MYT1L: variants seen among roughly 807,000 people sequenced by gnomAD.
The protein encoded by MYT1L is myelin transcription factor 1-like protein.
MYT1L carries 12 observed loss-of-function variants against 126.7 expected under a neutral mutation model. That is an observed-to-expected ratio of 0.09 (90% confidence interval 0.06 to 0.15). The LOEUF (loss-of-function observed/expected upper bound fraction) is 0.15. Among genes scored for constraint, MYT1L ranks in the 10% least tolerant of loss-of-function variants. The pLI, the probability that MYT1L is intolerant of heterozygous loss-of-function variation, is 1.00. For missense variants in MYT1L, 979 were observed against 1,585.2 expected (o/e 0.62, Z 6.49); for synonymous variants, 541 against 604.2 (o/e 0.90, Z 1.53).
intron 4 of MYT1L, among the ~76,000 whole-genome samples, chr2:2,042,771 G>A (rs537763511): frequency 6.6e-6 from 1 of 152,112 alleles, no homozygotes; most frequent in Non-Finnish European, 1.5e-5. Flanking sequence ...TCTGCCCTTC[G>A]TCTCTAAGCC....
chr2:2,239,268 C>G (rs1382052743), intron 2 of MYT1L, among the ~76,000 whole-genome samples: 1 of 152,184 alleles, frequency 6.6e-6, no homozygotes, highest in Non-Finnish European at 1.5e-5. Flanking sequence ...CATGCACAGA[C>G]AGACGGGGGC....
chr2:2,097,926 T>G (rs1687915), intron 3 of MYT1L, among the ~76,000 whole-genome samples: 1,984 of 152,244 alleles, frequency 0.013, 48 homozygotes, highest in African/African-American at 0.046. Flanking sequence ...ATGAATGAGT[T>G]CTTGTTCTGA....
At chr2:2,194,915 C>T (rs868684181) in intron 2 of MYT1L, among the ~76,000 whole-genome samples, 1 of 152,240 alleles carries the variant, frequency 6.6e-6, no homozygotes, top group Non-Finnish European at 1.5e-5. Context: ...TAGACAACAT[C>T]TACTCCAGTG....
intron 1 of MYT1L, among the ~76,000 whole-genome samples, chr2:2,311,450 A>G (rs2095969333): frequency 6.6e-6 from 1 of 152,192 alleles, no homozygotes; most frequent in African/African-American, 2.4e-5. Context: ...GAGATGTACA[A>G]TAATGTTGGT....
intron 18 of MYT1L, among the ~76,000 whole-genome samples, chr2:1,860,605 T>G (rs1412700072): frequency 6.6e-6 from 1 of 152,234 alleles, no homozygotes; most frequent in Non-Finnish European, 1.5e-5. Context: ...AAATACATTT[T>G]ATGCAGCTTG....
At chr2:2,065,837 C>G (rs886434415) in intron 3 of MYT1L, among the ~76,000 whole-genome samples, 1 of 140,274 alleles carries the variant, frequency 7.1e-6, no homozygotes, top group African/African-American at 2.6e-5. Context: ...CACACACACA[C>G]ACACACACAC....
chr2:2,282,447 A>G (rs978081707), intron 2 of MYT1L, among the ~76,000 whole-genome samples: 4 of 152,236 alleles, frequency 2.6e-5, no homozygotes, highest in African/African-American at 4.8e-5. Flanking sequence ...CCGTTCAAAC[A>G]CTGGATGGTT....
Position 1,852,784 on chromosome 2 carries a change from C to T in MYT1L, c.2712-1081G>A, listed in dbSNP as rs956366936. On this transcript the variant is annotated intron_variant, in intron 18 of 24. Coordinates refer to ENST00000647738, the MANE Select transcript of MYT1L (RefSeq NM_001303052.2). The surrounding 1 kb of genome is among the most constrained non-coding windows in gnomAD (Gnocchi z 4.0). ...GGAAGCATCAAAGCATACTCCATGCCCCTTCCCACCTCAGTGAGTACCCGA... is the reference window on the plus strand; with the variant it reads ...GGAAGCATCAAAGCATACTCCATGCTCCTTCCCACCTCAGTGAGTACCCGA... 6.6e-6 allele frequency among the ~76,000 whole-genome samples: 1 copy of T among 152,120 alleles called. No homozygotes were observed. Among genetic ancestry groups the T allele is most frequent in the Non-Finnish European group, 1.5e-5 (1 of 68,020 alleles).
At chr2:1,934,307 T>TATATATATACATACAC (rs71276816) in intron 9 of MYT1L, among the ~76,000 whole-genome samples, 4 of 132,082 alleles carry the variant, frequency 3.0e-5, no homozygotes, top group Non-Finnish European at 5.0e-5. Flanking sequence ...TATATATATA[T>TATATATATACATACAC]ACAACCTCAT....
At chr2:1,805,869 G>T (rs1357587363) in intron 22 of MYT1L, among the ~76,000 whole-genome samples, 1 of 152,188 alleles carries the variant, frequency 6.6e-6, no homozygotes, top group East Asian at 1.9e-4. Context: ...CTGGGTGACA[G>T]AGCGAGACCC....
intron 14 of MYT1L, among the ~76,000 whole-genome samples, chr2:1,894,041 C>G (rs2049264595): frequency 6.6e-6 from 1 of 152,226 alleles, no homozygotes; most frequent in Non-Finnish European, 1.5e-5. Context: ...TGTGCATGAG[C>G]CAGAGGCTCA....
At chr2:2,032,923 T>TAC (rs2066518775) in intron 4 of MYT1L, among the ~76,000 whole-genome samples, 2 of 83,854 alleles carry the variant, frequency 2.4e-5, no homozygotes, top group South Asian at 9.0e-4. Flanking sequence ...GAGGGCCTTA[T>TAC]ACACACCCCT....
intron 21 of MYT1L, among the ~76,000 whole-genome samples, chr2:1,817,330 G>A (rs1353374232): frequency 2.0e-5 from 3 of 152,144 alleles, no homozygotes; most frequent in Admixed American, 6.5e-5. Context: ...GGATAGGGGC[G>A]CCACACGGCC....
chr2:2,068,860 C>T (rs1372633323), intron 3 of MYT1L, among the ~76,000 whole-genome samples: 2 of 125,342 alleles, frequency 1.6e-5, no homozygotes, highest in African/African-American at 6.0e-5. Context: ...GTCACAATTA[C>T]TTAGCTATTA....
At chr2:1,876,774 CA>C (rs2046968240) in intron 18 of MYT1L, among the ~76,000 whole-genome samples, 2 of 152,220 alleles carry the variant, frequency 1.3e-5, no homozygotes, top group South Asian at 4.1e-4. Flanking sequence ...AAAGTCCTGC[CA>C]AGACCAGTGA....
intron 3 of MYT1L, among the ~76,000 whole-genome samples, chr2:2,094,746 G>T (rs1245948922): frequency 6.9e-6 from 1 of 144,230 alleles, no homozygotes. Flanking sequence ...CACAGGAAGG[G>T]GAACATCACA....
intron 22 of MYT1L, among the ~76,000 whole-genome samples, 198 bp downstream of exon 22, chr2:1,808,878 G>T (rs1378869946): frequency 6.6e-6 from 1 of 152,224 alleles, no homozygotes; most frequent in Non-Finnish European, 1.5e-5. Context: ...AGTGAAATCG[G>T]TGAAGGTGGG....
At chr2:1,956,948 T>C (rs983664256) in intron 8 of MYT1L, among the ~76,000 whole-genome samples, 1 of 152,328 alleles carries the variant, frequency 6.6e-6, no homozygotes, top group South Asian at 2.1e-4. Flanking sequence ...TGTTCTCTAA[T>C]TCAGTATCTC....
rs145619681 is a variant in MYT1L, at chr2:2,015,513, T to A, written c.-157-18166A>T. ...GAAACAGGATCCTAAAAGGGCTATC[T>A]TTGGGCCTTCCAAGCAAAACACACA... On this transcript the variant is annotated intron_variant, in intron 4 of 24. Coordinates refer to ENST00000647738, the MANE Select transcript of MYT1L (RefSeq NM_001303052.2). 4.4e-3 allele frequency among the ~76,000 whole-genome samples: 673 copies of A among 152,262 alleles called. 4 individuals are homozygous for A. The highest frequency in any genetic ancestry group is 0.015 in the African/African-American group (634 of 41,556).
Sources: allele counts gnomAD v4.1 joint callset (sites outside exome capture counted in the v4.1 genomes callset), GRCh38; gene constraint gnomAD v4.1.1; non-coding constraint Gnocchi (gnomAD v3.1); transcripts MANE v1.5; gene names NCBI Gene and HGNC (gene_info 2026-07-23, HGNC 2026-07-21).